Variants in TRIP4 observed in about 807,000 individuals in gnomAD.
TRIP4 encodes activating signal cointegrator 1.
Under a neutral mutation model 81.8 loss-of-function variants are expected in TRIP4, and 54 were observed. The observed-to-expected ratio is 0.66, with a 90% confidence interval of 0.53 to 0.83. The LOEUF is 0.83. Among genes scored for constraint, TRIP4 ranks in the 40% least tolerant of loss-of-function variants. The pLI is 0.00. For synonymous variants in TRIP4, 270 were observed against 242.8 expected (o/e 1.11, Z -1.04); for missense variants, 662 against 683.6 (o/e 0.97, Z 0.35).
At chr15:64,417,255 T>A (rs1891908480) in intron 8 of TRIP4, among the ~76,000 whole-genome samples, 1 of 152,124 alleles carries the variant, frequency 6.6e-6, no homozygotes, top group African/African-American at 2.4e-5. Context: ...CAAGCGATCC[T>A]CCTGCCTTGG....
intron 12 of TRIP4, among the ~76,000 whole-genome samples, chr15:64,451,217 AT>A (rs1315212491): frequency 1.3e-5 from 2 of 151,910 alleles, no homozygotes; most frequent in Non-Finnish European, 2.9e-5. Flanking sequence ...GGTTCAAGCA[AT>A]TCTCCTGCCT....
intron 2 of TRIP4, 106 bp downstream of exon 2, chr15:64,394,221 A>G: frequency 9.7e-7 from 1 of 1,031,940 alleles, no homozygotes. Context: ...CTTCACAGCT[A>G]ACTTAAACAG....
intron 12 of TRIP4, among the ~76,000 whole-genome samples, chr15:64,449,290 G>GT (rs568955135): frequency 0.018 from 2,486 of 137,496 alleles, 36 homozygotes; most frequent in Non-Finnish European, 0.023. Context: ...GTTTGTTTTT[G>GT]TTTTTTTTTT....
rs1316734439 is a variant in TRIP4, at chr15:64,406,415, G to C, written c.783G>C (p.Lys261Asn). Residue 261 changes from lysine (K) to asparagine (N), a missense_variant, in exon 6 of 13, where the codon AAG becomes AAC. Transcript: ENST00000261884. ...QELRIKSGLE[K>N]AIKHKDKLLE... Reference sequence around the variant, plus strand: ...TGCGAATTAAGTCTGGTCTGGAGAAGGCTATCAAGCATAAAGACAAACTGT... The same window carrying C: ...TGCGAATTAAGTCTGGTCTGGAGAACGCTATCAAGCATAAAGACAAACTGT... 4 of 1,614,040 alleles carry C rather than the reference G, an allele frequency of 2.5e-6. No individual in the cohort carries two copies. Among genetic ancestry groups the C allele is most frequent in the Non-Finnish European group, 3.4e-6 (4 of 1,180,032 alleles).
rs1329545081 is a variant in TRIP4, at chr15:64,420,518, GCTT to G, written c.1358+1794_1358+1796del. Among the ~76,000 whole-genome samples the G allele has an allele frequency of 6.7e-5, 9 of 134,650 alleles. No individual in the cohort carries two copies. The East Asian group carries it at 1.9e-3, about 29-fold the overall frequency. 88.3% of individuals were successfully genotyped at this position (134,650 alleles called of 152,430 possible). A position where few individuals can be genotyped will look rare whatever the true frequency, so the allele number is the denominator to read the frequency against. ...CTTATCATTACAACATATGTCTTTT[GCTT>G]CTTATTTCTTTTTTTTTTTTGAAAT... is the stretch of plus-strand genomic sequence containing the variant. On this transcript the variant is annotated intron_variant, in intron 9 of 12. Transcript: ENST00000261884.
At position 64,395,288 on chromosome 15, in the gene TRIP4, T is replaced by C. The variant is rs148885061; in HGVS notation, c.272-110T>C. 145 of 879,762 alleles carry C rather than the reference T, an allele frequency of 1.6e-4. No homozygotes were observed. In the African/African-American group the frequency reaches 2.3e-3, roughly 14 times the overall value. The allele number at this position is 879,762 out of a possible 1,614,324, so 54.5% of individuals were successfully genotyped here. On this transcript the variant is annotated intron_variant, in intron 2 of 12. Coordinates refer to ENST00000261884, the MANE Select transcript of TRIP4 (RefSeq NM_016213.5). The stretch of plus-strand genomic sequence containing the variant: ...ATAATTAAAAATCTTCCTGATGATA[T>C]CTTGACTCTAAATATTAAGCATCAC...
chr15:64,423,267 G>A (rs1470377344), intron 9 of TRIP4, among the ~76,000 whole-genome samples: 1 of 151,968 alleles, frequency 6.6e-6, no homozygotes, highest in Non-Finnish European at 1.5e-5. Flanking sequence ...AAGAGATCGA[G>A]ACCATCCTAA....
intron 11 of TRIP4, among the ~76,000 whole-genome samples, chr15:64,444,405 A>C (rs998501244): frequency 1.3e-5 from 2 of 152,248 alleles, no homozygotes; most frequent in African/African-American, 4.8e-5. Flanking sequence ...TTATGATAAG[A>C]GATCCAAAGG....
At chr15:64,400,697 A>C in intron 4 of TRIP4, 46 bp from the exon 5 acceptor site, 2 of 1,467,976 alleles carry the variant, frequency 1.4e-6, no homozygotes, top group Non-Finnish European at 1.9e-6. Flanking sequence ...AGAAAGCAAT[A>C]TAATTTAACT....
At chr15:64,395,215 A>C (rs1255722536) in intron 2 of TRIP4, among the ~76,000 whole-genome samples, 183 bp from the exon 3 acceptor site, 1 of 152,062 alleles carries the variant, frequency 6.6e-6, no homozygotes. Context: ...CATTGACTGC[A>C]CTCTTGGAAA....
In TRIP4 at chr15:64,409,755, A is replaced by G; in HGVS notation, c.970A>G (p.Lys324Glu). 2 of 1,614,140 alleles carry G rather than the reference A, an allele frequency of 1.2e-6. No individual in the cohort carries two copies. The highest frequency in any genetic ancestry group is 3.3e-5 in the Admixed American group (2 of 60,010). Residue 324 changes from lysine (K) to glutamate (E), a missense_variant, in exon 7 of 13, where the codon AAG (lysine) becomes GAG (glutamate). Coordinates refer to ENST00000261884, the MANE Select transcript of TRIP4 (RefSeq NM_016213.5). The stretch of plus-strand genomic sequence containing the variant: ...ACTTCGACACGCCTCTCGACTTTCT[A>G]AGAAGGTCACCATTGACTTTGCAGG... ...RELRHASRLS[K>E]KVTIDFAGRK...
chr15:64,414,245 A>T (rs768365180), intron 8 of TRIP4, 34 bp downstream of exon 8: 4 of 1,609,100 alleles, frequency 2.5e-6, no homozygotes, highest in Non-Finnish European at 3.4e-6. Flanking sequence ...GTTAATAAGA[A>T]GTTTGGCCCC....
At chr15:64,403,557 T>A (rs987245713) in intron 5 of TRIP4, among the ~76,000 whole-genome samples, 2 of 152,234 alleles carry the variant, frequency 1.3e-5, no homozygotes, top group African/African-American at 4.8e-5. Flanking sequence ...TAGTTTTTGT[T>A]TTATATCGAC....
chr15:64,444,964 T>C (rs1237845298), intron 11 of TRIP4, 42 bp from the exon 12 acceptor site: 1 of 1,080,428 alleles, frequency 9.3e-7, no homozygotes, highest in Admixed American at 2.1e-5. Context: ...AATTCAAAGC[T>C]TGTCCCAACT....
chr15:64,401,704 A>G (rs527503810), intron 5 of TRIP4, among the ~76,000 whole-genome samples: 1 of 152,322 alleles, frequency 6.6e-6, no homozygotes, highest in African/African-American at 2.4e-5. Flanking sequence ...TACTTGTATA[A>G]ATAACTGAAT....
chr15:64,406,258 C>G, intron 5 of TRIP4, 72 bp from the exon 6 acceptor site: 1 of 1,565,202 alleles, frequency 6.4e-7, no homozygotes. Context: ...ATGTTTTGTT[C>G]TTTGTTGCAC....
intron 11 of TRIP4, among the ~76,000 whole-genome samples, chr15:64,433,464 C>T (rs1892320245): frequency 1.3e-5 from 2 of 151,960 alleles, no homozygotes. Context: ...ATTAGCCAGG[C>T]GTGGTGATGT....
chr15:64,423,461 CAAAAAAAAAAAA>C (rs58166289), intron 9 of TRIP4, among the ~76,000 whole-genome samples: 8 of 71,094 alleles, frequency 1.1e-4, no homozygotes, highest in Non-Finnish European at 1.7e-4. Context: ...GACTCCGTCT[CAAAAAAAAAAAA>C]AAAAAAAAAA....
At chr15:64,443,019 G>A (rs187469842) in intron 11 of TRIP4, among the ~76,000 whole-genome samples, 1 of 151,736 alleles carries the variant, frequency 6.6e-6, no homozygotes, top group Non-Finnish European at 1.5e-5. Context: ...TGAGAACTGC[G>A]AATTGACCGT....
Sources: allele counts gnomAD v4.1 joint callset (sites outside exome capture counted in the v4.1 genomes callset), GRCh38; gene constraint gnomAD v4.1.1; transcripts MANE v1.5; gene names NCBI Gene and HGNC (gene_info 2026-07-23, HGNC 2026-07-21).